Variants in TRIO observed in about 807,000 individuals in gnomAD.
TRIO encodes the protein triple functional domain protein.
In TRIO, 58 loss-of-function variants were observed where a neutral mutation model predicts 351.9. The observed-to-expected ratio is 0.16, with a 90% CI of 0.13 to 0.21. The LOEUF (loss-of-function observed/expected upper bound fraction) is 0.21. Ranked by LOEUF, TRIO falls within the 10% of genes least tolerant of loss-of-function variation. The pLI, the probability that TRIO is intolerant of heterozygous loss-of-function variation, is 1.00. For synonymous variants in TRIO, 1,758 were observed against 1,595.7 expected (o/e 1.10, Z -2.42); for missense variants, 3,201 against 4,027.8 (o/e 0.79, Z 5.56).
chr5:14,314,209 C>T (rs367868534), intron 8 of TRIO, among the ~76,000 whole-genome samples: 2 of 152,188 alleles, frequency 1.3e-5, no homozygotes, highest in Admixed American at 1.3e-4. Context: ...TGATCCTGAA[C>T]TAAAATGCAT....
intron 1 of TRIO, among the ~76,000 whole-genome samples, chr5:14,171,297 T>C (rs1458254360): frequency 2.6e-5 from 4 of 152,250 alleles, no homozygotes; most frequent in Non-Finnish European, 5.9e-5. Flanking sequence ...CATGCCATTA[T>C]GAGAAAAACC....
At chr5:14,340,091 G>A (rs1741801285) in intron 11 of TRIO, among the ~76,000 whole-genome samples, 1 of 152,140 alleles carries the variant, frequency 6.6e-6, no homozygotes, top group South Asian at 2.1e-4. Context: ...CATAGAAGAA[G>A]ATAGAAAAAG....
chr5:14,351,652 A>C (rs777943089), intron 11 of TRIO, among the ~76,000 whole-genome samples: 2 of 152,242 alleles, frequency 1.3e-5, no homozygotes, highest in Non-Finnish European at 2.9e-5. Flanking sequence ...CTTTCATTAC[A>C]TACAGGAGAA....
At chr5:14,442,931 A>T (rs26081) in intron 34 of TRIO, among the ~76,000 whole-genome samples, 21,078 of 152,234 alleles carry the variant, frequency 0.14, 1,794 homozygotes, top group Admixed American at 0.23. Context: ...GATATCATAA[A>T]CATCCCCAAA....
At chr5:14,398,331 C>T (rs1747785406) in intron 29 of TRIO, among the ~76,000 whole-genome samples, 1 of 152,148 alleles carries the variant, frequency 6.6e-6, no homozygotes, top group South Asian at 2.1e-4. Context: ...CTGTCACATT[C>T]AGAGGAGGGA....
chr5:14,262,341 G>T (rs1313326036), intron 1 of TRIO, among the ~76,000 whole-genome samples: 1 of 152,066 alleles, frequency 6.6e-6, no homozygotes, highest in Non-Finnish European at 1.5e-5. Context: ...GAAGGCATGT[G>T]TATGGAGGTA....
At chr5:14,175,734 T>C (rs1789365483) in intron 1 of TRIO, among the ~76,000 whole-genome samples, 1 of 152,206 alleles carries the variant, frequency 6.6e-6, no homozygotes, top group South Asian at 2.1e-4. Context: ...CCCTGTACAA[T>C]AATGTAGCCT....
chr5:14,306,363 A>T (rs1216830578), intron 8 of TRIO, among the ~76,000 whole-genome samples: 2 of 152,194 alleles, frequency 1.3e-5, no homozygotes, highest in African/African-American at 4.8e-5. Flanking sequence ...TCTATAGTAA[A>T]ACTGAAAATT....
At chr5:14,205,411 A>T (rs26281) in intron 1 of TRIO, among the ~76,000 whole-genome samples, 65,693 of 152,162 alleles carry the variant, frequency 0.43, 16,643 homozygotes, top group Non-Finnish European at 0.56. Flanking sequence ...GTAGTTCCTC[A>T]GCATTTGAAG....
chr5:14,450,845 G>A (rs1023215952), intron 34 of TRIO, among the ~76,000 whole-genome samples: 2 of 152,174 alleles, frequency 1.3e-5, no homozygotes, highest in African/African-American at 4.8e-5. Context: ...CCCTGGGGAC[G>A]CAGTGTCCAT....
intron 1 of TRIO, among the ~76,000 whole-genome samples, chr5:14,166,927 G>A (rs937705312): frequency 2.6e-5 from 4 of 152,148 alleles, no homozygotes; most frequent in Non-Finnish European, 5.9e-5. Context: ...TTGTTGGGCT[G>A]TGTTCACTTG....
At chr5:14,256,315 T>C (rs1795017470) in intron 1 of TRIO, among the ~76,000 whole-genome samples, 1 of 152,114 alleles carries the variant, frequency 6.6e-6, no homozygotes, top group Non-Finnish European at 1.5e-5. Flanking sequence ...TCCACCCCCA[T>C]GACTCAAACA....
rs1301844875 is a variant in TRIO, at chr5:14,388,666, G to A, written c.3935G>A (p.Arg1312Gln). ...GAAAAGGCTTATGTAAGAGACCTCC[G>A]GGAATGTATGGATGTAAGTAAGTTT... ...QTEKAYVRDLRECMDTYLWEM... is the reference protein window; with the variant it reads ...QTEKAYVRDLQECMDTYLWEM... Residue 1312 changes from arginine (R) to glutamine (Q), a missense_variant, in exon 24 of 57, where the codon CGG becomes CAG. By Grantham distance (43) the Arg-to-Gln change is conservative (BLOSUM62 1). This residue lies in a region of TRIO where 115 missense variants were observed against 239.6 expected (regional missense o/e 0.48). Coordinates refer to ENST00000344204, the MANE Select transcript of TRIO (RefSeq NM_007118.4). 5.0e-6 allele frequency: 8 copies of A among 1,612,222 alleles called. No individual in the cohort carries two copies. The highest frequency in any genetic ancestry group is 1.1e-5 in the South Asian group (1 of 90,824).
intron 15 of TRIO, among the ~76,000 whole-genome samples, chr5:14,366,433 G>C (rs748873751): frequency 5.3e-5 from 8 of 152,146 alleles, no homozygotes; most frequent in African/African-American, 1.9e-4. Flanking sequence ...AAAAGAGTTC[G>C]TGAAATAAAT....
At chr5:14,321,897 A>G (rs540498612) in intron 9 of TRIO, among the ~76,000 whole-genome samples, 123 of 152,328 alleles carry the variant, frequency 8.1e-4, no homozygotes, top group African/African-American at 7.0e-4. Context: ...GCCTGCTGCC[A>G]TGTAAGACAT....
rs1756217551 is a variant in TRIO, at chr5:14,488,479, C to T, written c.7632+219C>T. On this transcript the variant is annotated intron_variant, in intron 48 of 56. Transcript: ENST00000344204. Reference sequence around the variant, plus strand: ...TGTCTTCTAATAAGAGCAAGCCGATCATTAACCTTCTCAACGCAGCGTCTT... The same window carrying T: ...TGTCTTCTAATAAGAGCAAGCCGATTATTAACCTTCTCAACGCAGCGTCTT... 4.9e-6 allele frequency: 3 copies of T among 616,764 alleles called. No homozygotes were observed. The African/African-American group carries it at 5.5e-5, about 11-fold the overall frequency. 38.2% of individuals were successfully genotyped at this position (616,764 alleles called of 1,614,324 possible).
At chr5:14,394,487 G>A (rs1247887793) in intron 28 of TRIO, among the ~76,000 whole-genome samples, 1 of 152,148 alleles carries the variant, frequency 6.6e-6, no homozygotes, top group Non-Finnish European at 1.5e-5. Flanking sequence ...ATGCTAGTCT[G>A]CAGGCATGGA....
At chr5:14,471,588 T>A (rs913961402) in intron 38 of TRIO, 122 bp downstream of exon 38, 1 of 1,315,334 alleles carries the variant, frequency 7.6e-7, no homozygotes, top group Non-Finnish European at 1.0e-6. Context: ...GGGCCTCTCA[T>A]TAAGTAACTG....
At chr5:14,424,661 G>A (rs1382483387) in intron 34 of TRIO, among the ~76,000 whole-genome samples, 1 of 152,198 alleles carries the variant, frequency 6.6e-6, no homozygotes, top group Non-Finnish European at 1.5e-5. Context: ...CAGCTCTCAG[G>A]CTTGACCAGA....
Sources: gnomAD v4.1 joint callset for allele counts (sites outside exome capture counted in the v4.1 genomes callset) on GRCh38, gnomAD v4.1.1 for gene constraint, gnomAD v4.1.1 regional missense constraint, MANE v1.5 for transcripts, NCBI Gene and HGNC (gene_info 2026-07-23, HGNC 2026-07-21) for gene names.